The following SRGAP3 variants were observed in gnomAD, a reference collection of about 807,000 sequenced individuals.
SRGAP3 encodes SLIT-ROBO Rho GTPase activating protein 3, also known as SLIT-ROBO Rho GTPase-activating protein 3.
Under a neutral mutation model 121.1 loss-of-function variants are expected in SRGAP3, and 39 were observed. That is an observed-to-expected ratio of 0.32 (90% CI 0.25 to 0.42). The LOEUF (loss-of-function observed/expected upper bound fraction) is 0.42. Among genes scored for constraint, SRGAP3 ranks in the 10% least tolerant of loss-of-function variants. SRGAP3 has a pLI of 1.00. For missense variants in SRGAP3, 1,213 were observed against 1,470.6 expected, an observed-to-expected ratio of 0.82 and a Z score of 2.86; for synonymous variants, 601 against 570.0, an observed-to-expected ratio of 1.05 and a Z score of -0.77.
chr3:9,222,061 T>C (rs879357343), intron 1 of SRGAP3, among the ~76,000 whole-genome samples: 1 of 152,142 alleles, frequency 6.6e-6, no homozygotes, highest in Non-Finnish European at 1.5e-5. Context: ...GTCAATCCCA[T>C]CCCACTGGCC....
At position 9,109,571 on chromosome 3, in the gene SRGAP3, G is replaced by T. The variant is rs1948541232; in HGVS notation, c.261-4729C>A. Among the ~76,000 whole-genome samples, 1 of 152,202 alleles carries T rather than the reference G, an allele frequency of 6.6e-6. No homozygotes were observed. The highest frequency in any genetic ancestry group is 2.4e-5 in the African/African-American group (1 of 41,456). Reference sequence around the variant, plus strand: ...TGCTGGGCAGGACTAGGTGCTGCGAGTGCAGGAGCAACCAAGGCTGCAAGA... The same window carrying T: ...TGCTGGGCAGGACTAGGTGCTGCGATTGCAGGAGCAACCAAGGCTGCAAGA... On this transcript the variant is annotated intron_variant, in intron 2 of 21. Transcript: ENST00000383836. The surrounding 1 kb of genome is among the most constrained non-coding windows in gnomAD (Gnocchi z 4.4).
intron 1 of SRGAP3, among the ~76,000 whole-genome samples, chr3:9,209,702 A>C (rs1338708399): frequency 2.0e-5 from 3 of 152,254 alleles, no homozygotes; most frequent in Non-Finnish European, 2.9e-5. Context: ...CATTATTTAT[A>C]TCATCCCAAA....
intron 1 of SRGAP3, 49 bp downstream of exon 1, chr3:9,248,836 G>T: frequency 1.9e-6 from 3 of 1,594,692 alleles, no homozygotes; most frequent in Non-Finnish European, 2.6e-6. Context: ...CAGAACAAGA[G>T]AAAAACGAAA....
intron 3 of SRGAP3, among the ~76,000 whole-genome samples, chr3:9,265,033 C>T (rs1303784339): frequency 6.6e-6 from 1 of 152,060 alleles, no homozygotes; most frequent in Non-Finnish European, 1.5e-5. Flanking sequence ...GATATATAGA[C>T]CAATGGAACA....
chr3:9,353,223 T>C (rs1048506940), intron 1 of SRGAP3, among the ~76,000 whole-genome samples: 1 of 152,250 alleles, frequency 6.6e-6, no homozygotes, highest in Non-Finnish European at 1.5e-5. Context: ...TTTTCGTTCC[T>C]CTGATATCAC....
chr3:9,209,257 G>A (rs1477366417), intron 1 of SRGAP3, among the ~76,000 whole-genome samples: 2 of 152,106 alleles, frequency 1.3e-5, no homozygotes, highest in African/African-American at 2.4e-5. Flanking sequence ...CCATGAACAC[G>A]GTTTTGGAGG....
intron 1 of SRGAP3, among the ~76,000 whole-genome samples, chr3:9,129,982 G>A (rs1235317656): frequency 2.6e-5 from 4 of 151,952 alleles, no homozygotes; most frequent in Admixed American, 2.0e-4. Context: ...GGCTGGTGTC[G>A]AACTCCCGAC....
chr3:9,026,727 G>A (rs1944225254), intron 13 of SRGAP3, among the ~76,000 whole-genome samples: 1 of 152,118 alleles, frequency 6.6e-6, no homozygotes, highest in Non-Finnish European at 1.5e-5. Flanking sequence ...CCTAGGTCTT[G>A]GATCCTCTCA....
chr3:9,109,318 T>C lies in SRGAP3; in HGVS notation c.261-4476A>G, dbSNP rs1948532281. The stretch of plus-strand genomic sequence containing the variant: ...AGTTTGGGGACCATTAACTAGGTCA[T>C]CTAGCCAGAGAGATGAGATGAGAGG... On this transcript the variant is annotated intron_variant, in intron 2 of 21. Transcript: ENST00000383836. The surrounding 1 kb of genome is among the most constrained non-coding windows in gnomAD (Gnocchi z 4.4). 1.3e-5 allele frequency among the ~76,000 whole-genome samples: 2 copies of C among 152,144 alleles called. No individual in the cohort carries two copies. The highest frequency in any genetic ancestry group is 1.9e-4 in the East Asian group (1 of 5,184).
intron 3 of SRGAP3, among the ~76,000 whole-genome samples, chr3:9,290,369 T>C: frequency 6.6e-6 from 1 of 152,192 alleles, no homozygotes; most frequent in Non-Finnish European, 1.5e-5. Flanking sequence ...ATGTAAATGA[T>C]GAATGGTCTG....
chr3:9,358,864 T>A (rs2030656269), intron 1 of SRGAP3, among the ~76,000 whole-genome samples: 1 of 152,124 alleles, frequency 6.6e-6, no homozygotes, highest in South Asian at 2.1e-4. Context: ...AGGACACCCA[T>A]CAGAGGGCCC....
intron 10 of SRGAP3, among the ~76,000 whole-genome samples, chr3:9,042,436 C>T (rs200871273): frequency 9.8e-6 from 1 of 101,562 alleles, no homozygotes; most frequent in Non-Finnish European, 2.0e-5. Flanking sequence ...ATTTTATTTA[C>T]AGAAAAAAAA....
At chr3:9,288,480 C>T (rs1351263853) in intron 3 of SRGAP3, among the ~76,000 whole-genome samples, 1 of 151,914 alleles carries the variant, frequency 6.6e-6, no homozygotes, top group Non-Finnish European at 1.5e-5. Context: ...TGTTCCAGAA[C>T]TCTCCCCTAG....
chr3:9,002,457 A>G (rs564529288), intron 18 of SRGAP3, among the ~76,000 whole-genome samples: 2 of 152,222 alleles, frequency 1.3e-5, no homozygotes, highest in Non-Finnish European at 2.9e-5. Flanking sequence ...AAGGAAATGT[A>G]TGACTGTAAA....
chr3:9,080,025 T>G lies in SRGAP3; in HGVS notation c.486A>C (p.Thr162=). The change falls in exon 4 of 22, where the codon ACA becomes ACC. Residue 162 remains threonine (T), a splice_region_variant and synonymous_variant. Coordinates refer to ENST00000383836, the MANE Select transcript of SRGAP3 (RefSeq NM_014850.4). The part of the protein sequence containing the change: ...ELLKVTNELY[T]VMKTYHMYHA... Reference sequence around the variant, plus strand: ...AGCAGTGAGCCTGGGCAGAACTTACTGTGTAGAGCTCATTGGTCACCTTCA... The same window carrying G: ...AGCAGTGAGCCTGGGCAGAACTTACGGTGTAGAGCTCATTGGTCACCTTCA... 1 of 1,614,186 alleles carries G rather than the reference T, an allele frequency of 6.2e-7. No individual in the cohort carries two copies. The highest frequency in any genetic ancestry group is 8.5e-7 in the Non-Finnish European group (1 of 1,180,028).
intron 3 of SRGAP3, chr3:9,257,122 A>G: frequency 2.9e-6 from 1 of 345,960 alleles, no homozygotes. Context: ...TGAAAGCCCA[A>G]CACAAAATAA....
intron 1 of SRGAP3, among the ~76,000 whole-genome samples, chr3:9,141,533 A>C (rs2125033192): frequency 6.6e-6 from 1 of 150,616 alleles, no homozygotes; most frequent in South Asian, 2.1e-4. Flanking sequence ...AGAAAGAAAC[A>C]AGAAGGATCT....
chr3:9,210,968 A>G (rs1345810960), intron 1 of SRGAP3, among the ~76,000 whole-genome samples: 1 of 152,256 alleles, frequency 6.6e-6, no homozygotes, highest in Non-Finnish European at 1.5e-5. Flanking sequence ...ACGTACTAAA[A>G]ACAAAAAAAT....
chr3:9,099,884 A>G (rs1334173654), intron 3 of SRGAP3, among the ~76,000 whole-genome samples: 1 of 152,206 alleles, frequency 6.6e-6, no homozygotes, highest in African/African-American at 2.4e-5. Context: ...AAATGCACAA[A>G]GGGCCAGAGA....
Sources: allele counts gnomAD v4.1 joint callset (sites outside exome capture counted in the v4.1 genomes callset), GRCh38; gene constraint gnomAD v4.1.1; non-coding constraint Gnocchi (gnomAD v3.1); transcripts MANE v1.5; gene names NCBI Gene and HGNC (gene_info 2026-07-23, HGNC 2026-07-21).